Variants in AKT3 observed in about 807,000 individuals in gnomAD.
AKT3 encodes AKT serine/threonine kinase 3, also known as RAC-gamma serine/threonine-protein kinase.
Under a neutral mutation model 65.3 loss-of-function variants are expected in AKT3, and 15 were observed. That is an observed-to-expected ratio of 0.23 (90% CI 0.15 to 0.35). The LOEUF is 0.35. Among genes scored for constraint, AKT3 ranks in the 10% least tolerant of loss-of-function variants. The pLI, the probability that AKT3 is intolerant of heterozygous loss-of-function variation, is 1.00. For missense variants in AKT3, 243 were observed against 576.5 expected (o/e 0.42, Z 5.92); for synonymous variants, 206 against 183.8 (o/e 1.12, Z -0.98).
intron 2 of AKT3, among the ~76,000 whole-genome samples, chr1:243,725,157 A>C (rs1687133407): frequency 6.6e-6 from 1 of 152,030 alleles, no homozygotes; most frequent in Non-Finnish European, 1.5e-5. Flanking sequence ...TGATAAGGCC[A>C]CTGCATTCCA....
At chr1:243,797,216 A>C (rs1271044276) in intron 2 of AKT3, among the ~76,000 whole-genome samples, 2 of 152,002 alleles carry the variant, frequency 1.3e-5, no homozygotes, top group Non-Finnish European at 2.9e-5. Flanking sequence ...TCTTCAAAAG[A>C]CACCTCCCAA....
rs572590255 is a variant in AKT3, at chr1:243,638,892, A to C, written c.430-1150T>G. ...ATGATACAGATCAGAGCAGAAATCA[A>C]TTAAATTTTTAAAAGAAAGAAAAAG... On this transcript the variant is annotated intron_variant, in intron 5 of 13. Transcript: ENST00000673466. Among the ~76,000 whole-genome samples the C allele has an allele frequency of 3.3e-5, 5 of 152,240 alleles. No individual in the cohort carries two copies. In the East Asian group the frequency reaches 9.6e-4, roughly 29 times the overall value.
chr1:243,622,924 G>A (rs144983665), intron 6 of AKT3, among the ~76,000 whole-genome samples: 4 of 152,154 alleles, frequency 2.6e-5, no homozygotes, highest in African/African-American at 7.2e-5. Flanking sequence ...TCAAGCAAAC[G>A]CATTGGGTTA....
chr1:243,613,076 T>TATAC (rs1553415157), intron 8 of AKT3: 100 of 89,534 alleles, frequency 1.1e-3, no homozygotes, highest in African/African-American at 3.2e-3. Context: ...TATATATATA[T>TATAC]ACACACACAC....
chr1:243,619,408 G>A (rs2148617315), intron 6 of AKT3, among the ~76,000 whole-genome samples: 1 of 152,146 alleles, frequency 6.6e-6, no homozygotes, highest in South Asian at 2.1e-4. Flanking sequence ...CACAGTAGGT[G>A]GTTGTTAACT....
intron 4 of AKT3, among the ~76,000 whole-genome samples, chr1:243,663,597 C>CT (rs558347760): frequency 8.5e-5 from 13 of 152,110 alleles, no homozygotes; most frequent in Non-Finnish European, 1.5e-4. Flanking sequence ...ATTATCAGTG[C>CT]TTAACTCTTT....
At chr1:243,649,761 G>T (rs1681159397) in intron 4 of AKT3, among the ~76,000 whole-genome samples, 1 of 152,146 alleles carries the variant, frequency 6.6e-6, no homozygotes, top group Admixed American at 6.5e-5. Context: ...TTTTATGGCT[G>T]CATAGTATTC....
chr1:243,724,916 AGT>A (rs1156713835), intron 2 of AKT3, among the ~76,000 whole-genome samples: 1 of 152,070 alleles, frequency 6.6e-6, no homozygotes, highest in Non-Finnish European at 1.5e-5. Flanking sequence ...AAGAAACAAA[AGT>A]AGGGTTGGGC....
chr1:243,832,409 A>C (rs1694598711), intron 2 of AKT3, among the ~76,000 whole-genome samples: 1 of 151,592 alleles, frequency 6.6e-6, no homozygotes, highest in Non-Finnish European at 1.5e-5. Flanking sequence ...ATGAAGCTTA[A>C]ATAAATTTGT....
chr1:243,528,865 T>C, intron 12 of AKT3, among the ~76,000 whole-genome samples: 1 of 152,342 alleles, frequency 6.6e-6, no homozygotes, highest in Admixed American at 6.5e-5. Flanking sequence ...TGCTTTGAGT[T>C]GAGATATTGC....
intron 8 of AKT3, among the ~76,000 whole-genome samples, chr1:243,574,349 C>A (rs1221521102): frequency 1.3e-5 from 2 of 150,320 alleles, no homozygotes; most frequent in East Asian, 2.0e-4. Flanking sequence ...TCACCTATAG[C>A]CCCAAAAAGT....
chr1:243,507,399 A>G (rs968405082), intron 13 of AKT3, among the ~76,000 whole-genome samples: 2 of 152,190 alleles, frequency 1.3e-5, no homozygotes, highest in African/African-American at 2.4e-5. Context: ...GAGGGCCCCA[A>G]TCCTTGATAT....
chr1:243,837,504 T>G (rs1228761599), intron 2 of AKT3, among the ~76,000 whole-genome samples: 1 of 152,222 alleles, frequency 6.6e-6, no homozygotes, highest in Non-Finnish European at 1.5e-5. Flanking sequence ...TCAATACTCT[T>G]GTAAATGCAA....
chr1:243,833,951 T>C (rs1387825625), intron 2 of AKT3, among the ~76,000 whole-genome samples: 3 of 151,960 alleles, frequency 2.0e-5, no homozygotes, highest in African/African-American at 4.8e-5. Flanking sequence ...AAACTGTATA[T>C]AGGATTCTAA....
chr1:243,583,012 A>C (rs563235098), intron 8 of AKT3, among the ~76,000 whole-genome samples: 2 of 151,372 alleles, frequency 1.3e-5, no homozygotes, highest in East Asian at 3.9e-4. Flanking sequence ...AAAAAAAAAA[A>C]GACAAAGAAG....
chr1:243,813,571 T>A (rs1382299855), intron 2 of AKT3, among the ~76,000 whole-genome samples: 5 of 152,166 alleles, frequency 3.3e-5, no homozygotes. Flanking sequence ...GATTTTTATT[T>A]TCTAGAATAA....
intron 13 of AKT3, among the ~76,000 whole-genome samples, chr1:243,509,898 T>TAAGGGGCAC (rs1669913646): frequency 6.6e-6 from 1 of 152,054 alleles, no homozygotes; most frequent in South Asian, 2.1e-4. Flanking sequence ...CCCAGAACTG[T>TAAGGGGCAC]AAGGGGCACA....
At chr1:243,542,980 C>T (rs1672420093) in intron 12 of AKT3, among the ~76,000 whole-genome samples, 1 of 152,124 alleles carries the variant, frequency 6.6e-6, no homozygotes, top group South Asian at 2.1e-4. Context: ...CAGAAACAGT[C>T]ATTTTGGGTT....
chr1:243,694,415 A>G (rs1001486920), intron 3 of AKT3, among the ~76,000 whole-genome samples: 3 of 152,124 alleles, frequency 2.0e-5, no homozygotes, highest in Admixed American at 6.6e-5. Context: ...ATTATTATCT[A>G]ATGAGCATTT....
Sources: gnomAD v4.1 joint callset for allele counts (sites outside exome capture counted in the v4.1 genomes callset) on GRCh38, gnomAD v4.1.1 for gene constraint, MANE v1.5 for transcripts, NCBI Gene and HGNC (gene_info 2026-07-23, HGNC 2026-07-21) for gene names.